The following PIEZO1 variants were observed in gnomAD, a reference collection of about 807,000 sequenced individuals.
PIEZO1 encodes the protein piezo type mechanosensitive ion channel component 1 (Er blood group).
In PIEZO1, 296 loss-of-function variants were observed where a neutral mutation model predicts 297.2. The ratio of observed to expected loss-of-function variants is 1.00; its 90% CI spans 0.91 to 1.10. The LOEUF is 1.10. PIEZO1 is among the 50% of genes least tolerant of loss of function. The probability of loss-of-function intolerance (pLI) is 0.00; values close to 1 mark genes in which losing one functional copy is unlikely to be tolerated. For synonymous variants in PIEZO1, 2,427 were observed against 1,507.5 expected, an observed-to-expected ratio of 1.61 and a Z score of -14.13; for missense variants, 5,018 against 3,455.5, an observed-to-expected ratio of 1.45 and a Z score of -11.34.
chr16:88,728,115 T>C (rs529891924), intron 22 of PIEZO1, among the ~76,000 whole-genome samples: 11 of 152,352 alleles, frequency 7.2e-5, no homozygotes, highest in Admixed American at 5.2e-4. Flanking sequence ...CAGACCTCAG[T>C]GTGCTCTGCC....
chr16:88,719,690 G>C lies in PIEZO1; in HGVS notation c.6355C>G (p.Arg2119Gly). 6.4e-7 allele frequency: 1 copy of C among 1,552,448 alleles called. No individual in the cohort carries two copies. The highest frequency in any genetic ancestry group is 1.4e-5 in the African/African-American group (1 of 73,190). ...FRLVPFLVEL[R>G]AVMDWVWTDT... ...GTCCACACCCAGTCCATCACTGCCC[G>C]CAGCTCCACCAGGAACGGCACCAGC... is the stretch of plus-strand genomic sequence containing the variant. The change falls in exon 44 of 51, where the codon CGG becomes GGG. Residue 2119 changes from arginine (R) to glycine (G), a missense_variant. Arg to Gly is a moderately radical substitution (Grantham distance 125). Transcript: ENST00000301015.
Position 88,732,684 on chromosome 16 carries a change from G to C in PIEZO1, c.2713C>G (p.Leu905Val), listed in dbSNP as rs779339338. The change falls in exon 20 of 51, where the codon CTG becomes GTG. Residue 905 changes from leucine to valine, a missense_variant. Transcript: ENST00000301015. ...GGGTCCACGGGCCCCCGGTACAGCA[G>C]GGACTGGCTGATCTCCGTGGGCAGC... ...NLLPTEISQSLLYRGPVDPAN... is the reference protein window; with the variant it reads ...NLLPTEISQSVLYRGPVDPAN... The C allele has an allele frequency of 5.2e-6, 8 of 1,549,484 alleles. No homozygotes were observed. The highest frequency in any genetic ancestry group is 1.2e-5 in the South Asian group (1 of 84,038).
chr16:88,725,325 G>A, intron 29 of PIEZO1, 91 bp downstream of exon 29: 1 of 852,132 alleles, frequency 1.2e-6, no homozygotes, highest in Non-Finnish European at 1.7e-6. Context: ...GAGCCCTGTG[G>A]GACGTCACAT....
intron 5 of PIEZO1, chr16:88,741,271 G>A (rs2142841747): frequency 1.9e-6 from 1 of 527,888 alleles, no homozygotes; most frequent in Non-Finnish European, 3.4e-6. Context: ...CTGACTAGAG[G>A]CAGAGCCCGA....
In PIEZO1 at chr16:88,726,357, G is replaced by C; in HGVS notation, c.3895C>G (p.Arg1299Gly). The C allele has an allele frequency of 1.3e-6, 2 of 1,550,380 alleles. No homozygotes were observed. The highest frequency in any genetic ancestry group is 1.7e-6 in the Non-Finnish European group (2 of 1,146,888). The change falls in exon 27 of 51, where the codon CGC becomes GGC. Residue 1299 changes from arginine to glycine, a missense_variant. Arg to Gly is a moderately radical substitution (Grantham distance 125). Transcript: ENST00000301015. ...SVCFFFLLLQ[R>G]RVFLSHYYLH... is the part of the protein sequence containing the mutation. ...TAGTAATGGCTAAGGAAGACGCGGC[G>C]CTGCAGCAGCAGGAAGAAGAAGCAG...
At chr16:88,730,068 A>G (rs1400136174) in intron 22 of PIEZO1, among the ~76,000 whole-genome samples, 2 of 152,264 alleles carry the variant, frequency 1.3e-5, no homozygotes, top group Non-Finnish European at 2.9e-5. Context: ...AGAGGTGGAC[A>G]GGAGACGGGG....
chr16:88,718,254 G>C (rs536645038), intron 44 of PIEZO1: 1 of 153,346 alleles, frequency 6.5e-6, no homozygotes, highest in African/African-American at 2.4e-5. Context: ...AGGTTGTTGA[G>C]GATGTGGAGA....
chr16:88,724,009 A>T, intron 30 of PIEZO1, 38 bp from the exon 31 acceptor site: 10 of 1,253,510 alleles, frequency 8.0e-6, no homozygotes, highest in Non-Finnish European at 1.0e-5. Flanking sequence ...CCTTCCATGC[A>T]GGGAGACTCC....
rs1235085820 is a variant in PIEZO1 at position 88,727,087 on chromosome 16, T to A, written c.3407A>T (p.Glu1136Val). 2.6e-6 allele frequency: 4 copies of A among 1,549,812 alleles called. No homozygotes were observed. The East Asian group carries it at 9.8e-5, about 38-fold the overall frequency. ...GGGGTTGGGCTCCCCCCGCAGCGGC[T>A]CCAGGCGGTCGGTGTTGACGCCAGC... ...RMAGVNTDRL[E>V]PLRGEPNPVP... The change falls in exon 24 of 51, where the codon GAG (glutamate) becomes GTG (valine). Residue 1136 changes from glutamate to valine, a missense_variant. Transcript: ENST00000301015.
chr16:88,716,211 C>T lies in PIEZO1; in HGVS notation c.7116G>A (p.Lys2372=), dbSNP rs1161156321. ...APNGPEANPV[K]QLQPNEEADY... The stretch of plus-strand genomic sequence containing the variant: ...GCCCATACTCACTGGGCTGCAGCTG[C>T]TTCACAGGGTTGGCTTCGGGCCCGT... Residue 2372 remains lysine, a synonymous_variant, in exon 49 of 51, where the codon AAG becomes AAA. Transcript: ENST00000301015. The T allele has an allele frequency of 8.7e-6, 13 of 1,500,466 alleles. No homozygotes were observed. Among genetic ancestry groups the T allele is most frequent in the Admixed American group, 4.3e-5 (2 of 46,360 alleles). The allele number at this position is 1,500,466 out of a possible 1,614,324, so 92.9% of individuals were successfully genotyped here.
At chr16:88,731,963 A>ATGCACTGAGTCTGGGGATGGG (rs1370150013) in intron 21 of PIEZO1, 53 bp from the exon 22 acceptor site, 1 of 8,878 alleles carries the variant, frequency 1.1e-4, no homozygotes, top group Non-Finnish European at 1.8e-4. Context: ...GGGGGGAGGG[A>ATGCACTGAGTCTGGGGATGGG]CTTTCTTGTC....
chr16:88,780,298 A>C (rs1431814240), intron 1 of PIEZO1, among the ~76,000 whole-genome samples: 1 of 152,160 alleles, frequency 6.6e-6, no homozygotes, highest in Non-Finnish European at 1.5e-5. Context: ...CCTAATCCAA[A>C]AAATAGGCTC....
At chr16:88,745,920 G>C (rs9788834) in intron 2 of PIEZO1, among the ~76,000 whole-genome samples, 127,682 of 152,006 alleles carry the variant, frequency 0.84, 53,854 homozygotes, top group East Asian at 0.95. Context: ...TGCAAAGGCT[G>C]AGGGGCCCCA....
rs992893593 is a variant in PIEZO1 at position 88,715,568 on chromosome 16, G to A, written c.*37C>T. The A allele has an allele frequency of 1.1e-5, 17 of 1,537,518 alleles. No individual in the cohort carries two copies. Among genetic ancestry groups the A allele is most frequent in the Non-Finnish European group, 1.4e-5 (16 of 1,140,530 alleles). On this transcript the variant is annotated 3_prime_UTR_variant, in exon 51 of 51. Coordinates refer to ENST00000301015, the MANE Select transcript of PIEZO1 (RefSeq NM_001142864.4). ...CCCCTTGTGGCCACGCTGCCCAGCAGGCCGGCTCCTTCCCTCTCGGGCGCC... is the reference window on the plus strand; with the variant it reads ...CCCCTTGTGGCCACGCTGCCCAGCAAGCCGGCTCCTTCCCTCTCGGGCGCC...
intron 1 of PIEZO1, among the ~76,000 whole-genome samples, chr16:88,773,209 T>G (rs925458569): frequency 6.6e-6 from 1 of 152,170 alleles, no homozygotes; most frequent in Non-Finnish European, 1.5e-5. Context: ...CCCCAGTAAC[T>G]CCCGGCGTCA....
At chr16:88,741,438 AAT>A in intron 5 of PIEZO1, 38 bp downstream of exon 5, 1 of 1,496,606 alleles carries the variant, frequency 6.7e-7, no homozygotes, top group South Asian at 1.2e-5. Context: ...ACAGCTCTCG[AAT>A]GACCTCCCTG....
intron 44 of PIEZO1, chr16:88,718,019 G>A (rs914681624): frequency 3.1e-6 from 1 of 326,576 alleles, no homozygotes; most frequent in Non-Finnish European, 5.9e-6. Flanking sequence ...GGAGGCAGAG[G>A]CTACAGTGAG....
intron 22 of PIEZO1, among the ~76,000 whole-genome samples, chr16:88,730,771 G>A (rs1161166592): frequency 1.3e-5 from 2 of 152,212 alleles, no homozygotes; most frequent in African/African-American, 2.4e-5. Context: ...GGCCGGAGGG[G>A]CCAGGACCCA....
At position 88,716,368 on chromosome 16, in the gene PIEZO1, G is replaced by A. The variant is rs1912031054; in HGVS notation, c.7042C>T (p.Gln2348Ter). Reference protein sequence around the residue: ...LASLLEGTSDQSVVIPNLFPK... With the variant: ...LASLLEGTSD Reference sequence around the variant, plus strand: ...CCCGGGCCCTTCACTCACACAGACTGGTCCGAGGTGCCCTCGAGCAGGCTG... The same window carrying A: ...CCCGGGCCCTTCACTCACACAGACTAGTCCGAGGTGCCCTCGAGCAGGCTG... Residue 2348 changes from glutamine to a stop codon, truncating the protein, a stop_gained, in exon 48 of 51, where the codon CAG (glutamine) becomes TAG (stop). Transcript: ENST00000301015. LOFTEE classifies it high-confidence loss of function. 1.3e-6 allele frequency: 2 copies of A among 1,540,392 alleles called. No homozygotes were observed. Among genetic ancestry groups the A allele is most frequent in the East Asian group, 2.4e-5 (1 of 40,826 alleles).
Sources: allele counts gnomAD v4.1 joint callset (sites outside exome capture counted in the v4.1 genomes callset), GRCh38; gene constraint gnomAD v4.1.1; transcripts MANE v1.5; gene names NCBI Gene and HGNC (gene_info 2026-07-23, HGNC 2026-07-21).